SPMIP3: variants seen among roughly 807,000 people sequenced by gnomAD.
The protein encoded by SPMIP3 is sperm microtubule inner protein 3, also known as protein SPMIP3.
chr1:244,381,201 T>TAA, the SPMIP3 span, among the ~76,000 whole-genome samples: 1 of 151,704 alleles, frequency 6.6e-6, no homozygotes, highest in African/African-American at 2.4e-5. Context: ...AGGAGGGGGC[T>TAA]AAAAAGAAGA....
the SPMIP3 span, among the ~76,000 whole-genome samples, chr1:244,370,197 T>G: frequency 6.6e-6 from 1 of 152,174 alleles, no homozygotes; most frequent in African/African-American, 2.4e-5. Context: ...AGTACAAATG[T>G]CTCGTTTACT....
the SPMIP3 span, among the ~76,000 whole-genome samples, chr1:244,377,911 T>TCC: frequency 6.6e-6 from 1 of 152,104 alleles, no homozygotes; most frequent in Non-Finnish European, 1.5e-5. Context: ...GCTCAAGGGA[T>TCC]CCTCCCACCT....
At chr1:244,363,674 C>A in the SPMIP3 span, among the ~76,000 whole-genome samples, 1 of 152,168 alleles carries the variant, frequency 6.6e-6, no homozygotes, top group Non-Finnish European at 1.5e-5. Flanking sequence ...CAAGAACCTA[C>A]TCCCAACGCC....
the SPMIP3 span, among the ~76,000 whole-genome samples, chr1:244,388,113 G>C: frequency 3.6e-3 from 542 of 151,688 alleles, 5 homozygotes; most frequent in African/African-American, 0.013. Context: ...ATTTTTAGTA[G>C]AGATGGGGTT....
At chr1:244,378,243 C>T in the SPMIP3 span, among the ~76,000 whole-genome samples, 1 of 152,000 alleles carries the variant, frequency 6.6e-6, no homozygotes, top group East Asian at 1.9e-4. Context: ...CCTCCTAGGA[C>T]CTGTCATTGG....
At chr1:244,354,550 C>T in the SPMIP3 span, among the ~76,000 whole-genome samples, 1 of 152,036 alleles carries the variant, frequency 6.6e-6, no homozygotes, top group Non-Finnish European at 1.5e-5. Flanking sequence ...TTAGTAGAAA[C>T]AGGTTTCAAC....
the SPMIP3 span, among the ~76,000 whole-genome samples, chr1:244,363,213 C>T: frequency 6.6e-6 from 1 of 152,034 alleles, no homozygotes; most frequent in African/African-American, 2.4e-5. Context: ...CAAGACCAGC[C>T]TGGCCAACAT....
the SPMIP3 span, among the ~76,000 whole-genome samples, chr1:244,379,708 A>C: frequency 6.6e-6 from 1 of 152,176 alleles, no homozygotes; most frequent in Non-Finnish European, 1.5e-5. Flanking sequence ...GGCCAGGCGC[A>C]GTGGCTCATG....
At chr1:244,367,836 A>T in the SPMIP3 span, among the ~76,000 whole-genome samples, 2 of 152,226 alleles carry the variant, frequency 1.3e-5, no homozygotes, top group Non-Finnish European at 2.9e-5. Flanking sequence ...AAACACACAC[A>T]GAAAGAGCAA....
At chr1:244,375,199 G>T in the SPMIP3 span, 1 of 505,104 alleles carries the variant, frequency 2.0e-6, no homozygotes, top group Non-Finnish European at 3.5e-6. Context: ...GAAAAGGGCT[G>T]GTTATGCATG....
chr1:244,374,098 G>A, the SPMIP3 span, among the ~76,000 whole-genome samples: 1 of 152,118 alleles, frequency 6.6e-6, no homozygotes, highest in Non-Finnish European at 1.5e-5. Context: ...GGGCGACAGA[G>A]TGAGACTCCG....
chr1:244,370,403 T>C, the SPMIP3 span, among the ~76,000 whole-genome samples: 2 of 152,202 alleles, frequency 1.3e-5, no homozygotes, highest in Non-Finnish European at 2.9e-5. Context: ...AGCTAAGTTA[T>C]TTACTTCCCC....
chr1:244,382,127 A>G, the SPMIP3 span, among the ~76,000 whole-genome samples: 1 of 152,164 alleles, frequency 6.6e-6, no homozygotes, highest in Non-Finnish European at 1.5e-5. Context: ...AGACACTGCT[A>G]TCTGCCGAAT....
chr1:244,369,796 G>A, the SPMIP3 span, among the ~76,000 whole-genome samples: 50 of 152,200 alleles, frequency 3.3e-4, no homozygotes, highest in Non-Finnish European at 1.3e-4. Flanking sequence ...TGCATGGCAC[G>A]TGAAGAAGCT....
At chr1:244,377,183 G>A in the SPMIP3 span, among the ~76,000 whole-genome samples, 2 of 149,990 alleles carry the variant, frequency 1.3e-5, no homozygotes, top group Non-Finnish European at 3.0e-5. Context: ...CTGCAGTGGC[G>A]TGATCTCAGC....
chr1:244,375,157 G>A, the SPMIP3 span: 1 of 346,488 alleles, frequency 2.9e-6, no homozygotes, highest in South Asian at 6.9e-5. Context: ...GGAGGAGGGA[G>A]GCCTGCGAGG....
the SPMIP3 span, among the ~76,000 whole-genome samples, chr1:244,359,187 G>A: frequency 6.7e-6 from 1 of 150,272 alleles, no homozygotes; most frequent in Non-Finnish European, 1.5e-5. Flanking sequence ...ATAAGGTAGA[G>A]GAAATTCTCT....
chr1:244,360,211 G>A, the SPMIP3 span, among the ~76,000 whole-genome samples: 3 of 152,116 alleles, frequency 2.0e-5, no homozygotes, highest in Admixed American at 2.0e-4. Flanking sequence ...CAAAAGCCAG[G>A]CAATGATGAA....
At chr1:244,355,470 C>G in the SPMIP3 span, among the ~76,000 whole-genome samples, 1 of 150,146 alleles carries the variant, frequency 6.7e-6, no homozygotes, top group African/African-American at 2.5e-5. Flanking sequence ...TCACTGCAAC[C>G]TCTGCCTCCC....
Sources: allele counts gnomAD v4.1 joint callset (sites outside exome capture counted in the v4.1 genomes callset), GRCh38; gene constraint gnomAD v4.1.1; transcripts MANE v1.5; gene names NCBI Gene and HGNC (gene_info 2026-07-23, HGNC 2026-07-21).